Variants in GLYATL1 observed in about 807,000 individuals in gnomAD.
GLYATL1 encodes glycine-N-acyltransferase like 1.
GLYATL1 carries 15 observed loss-of-function variants against 20.0 expected under a neutral mutation model. The observed-to-expected ratio is 0.75, with a 90% confidence interval of 0.50 to 1.15. The LOEUF (loss-of-function observed/expected upper bound fraction) is 1.15, where lower values mean the gene tolerates loss of function less well. Ranked by LOEUF, GLYATL1 falls within the 50% of genes most tolerant of loss-of-function variation. The probability of loss-of-function intolerance (pLI) is 0.00; values close to 1 mark genes in which losing one functional copy is unlikely to be tolerated. For synonymous variants in GLYATL1, 151 were observed against 131.5 expected (o/e 1.15, Z -1.01); for missense variants, 380 against 368.5 (o/e 1.03, Z -0.26).
upstream of GLYATL1, among the ~76,000 whole-genome samples, chr11:58,938,323 G>A (rs1461018947): frequency 6.6e-6 from 1 of 152,170 alleles, no homozygotes; most frequent in Non-Finnish European, 1.5e-5. Context: ...CTTCCACCAT[G>A]ACCCCATGAT....
At chr11:58,909,756 T>C (rs1379763690), downstream of GLYATL1, among the ~76,000 whole-genome samples, 2 of 152,206 alleles carry the variant, frequency 1.3e-5, no homozygotes, top group East Asian at 1.9e-4. Context: ...CAGAAGGCTT[T>C]CTATCAATAA....
Position 58,956,065 on chromosome 11 carries a change from CTT to C in GLYATL1, c.*39_*40del. On this transcript the variant is annotated 3_prime_UTR_variant, in exon 7 of 7. Transcript: ENST00000532726. ...CTTAGTAATCTCTGCCAAGCCATCT[CTT>C]AATATTAAAGCAGACACCACAGAAT... 1.3e-6 allele frequency: 2 copies of C among 1,557,410 alleles called. No individual in the cohort carries two copies. Among genetic ancestry groups the C allele is most frequent in the South Asian group, 1.2e-5 (1 of 86,842 alleles).
At chr11:58,955,013 A>T (rs370641138) in intron 5 of GLYATL1, 117 bp downstream of exon 5, 2 of 1,299,426 alleles carry the variant, frequency 1.5e-6, no homozygotes, top group Non-Finnish European at 2.1e-6. Context: ...AACTCTGGGG[A>T]CTGGGAGAGG....
intron 4 of GLYATL1, among the ~76,000 whole-genome samples, chr11:58,951,342 A>G (rs1590809121): frequency 6.6e-6 from 1 of 152,252 alleles, no homozygotes; most frequent in Admixed American, 6.5e-5. Flanking sequence ...ATTTTGTCGT[A>G]TAACATGTTA....
At chr11:58,914,229 A>G (rs2135100654) in intron 1 of GLYATL1, among the ~76,000 whole-genome samples, 2 of 152,206 alleles carry the variant, frequency 1.3e-5, no homozygotes, top group Middle Eastern at 3.4e-3. Flanking sequence ...CTCTCATCCA[A>G]TTCCACACCT....
upstream of GLYATL1, among the ~76,000 whole-genome samples, chr11:58,937,069 T>C (rs1855869143): frequency 6.6e-6 from 1 of 152,244 alleles, no homozygotes; most frequent in African/African-American, 2.4e-5. Context: ...AAGTTGGTGC[T>C]GTCAGTCTTT....
chr11:58,942,896 G>C (rs1565128330), intron 1 of GLYATL1, among the ~76,000 whole-genome samples: 1 of 152,154 alleles, frequency 6.6e-6, no homozygotes, highest in Non-Finnish European at 1.5e-5. Flanking sequence ...AAAAACAAGA[G>C]AGTGTGTTGT....
chr11:58,932,221 A>G (rs1440666149), intron 1 of GLYATL1, among the ~76,000 whole-genome samples: 1 of 152,026 alleles, frequency 6.6e-6, no homozygotes, highest in East Asian at 1.9e-4. Flanking sequence ...GAAACCCTCA[A>G]TAAGATGCCC....
Position 58,956,123 on chromosome 11 carries a change from C to T in GLYATL1, c.*96C>T. The T allele has an allele frequency of 9.3e-7, 1 of 1,077,274 alleles. No individual in the cohort carries two copies. The highest frequency in any genetic ancestry group is 1.4e-6 in the Non-Finnish European group (1 of 732,964). The allele number at this position is 1,077,274 out of a possible 1,614,324, so 66.7% of individuals were successfully genotyped here. A position where few individuals can be genotyped will look rare whatever the true frequency, so the allele number is the denominator to read the frequency against. ...TCTTCACTTACAAATGCATATTGGG[C>T]ACTTATAATACAGCAGGAACTCTTC... On this transcript the variant is annotated 3_prime_UTR_variant, in exon 7 of 7. Coordinates refer to ENST00000532726, the MANE Select transcript of GLYATL1 (RefSeq NM_001389712.2).
At chr11:58,925,749 A>G (rs923419432), upstream of GLYATL1, among the ~76,000 whole-genome samples, 25 of 152,188 alleles carry the variant, frequency 1.6e-4, no homozygotes, top group Admixed American at 1.4e-3. Flanking sequence ...GAAATTTGTC[A>G]TCTGAATTTA....
At chr11:58,915,205 C>T (rs1855142795) in intron 1 of GLYATL1, among the ~76,000 whole-genome samples, 1 of 152,172 alleles carries the variant, frequency 6.6e-6, no homozygotes, top group South Asian at 2.1e-4. Context: ...CACACATAAA[C>T]TCTTAGAAGG....
chr11:58,941,557 A>T (rs762016087), intron 1 of GLYATL1, among the ~76,000 whole-genome samples: 1 of 152,154 alleles, frequency 6.6e-6, no homozygotes, highest in Non-Finnish European at 1.5e-5. Context: ...ATTACTGGGT[A>T]TATACCCAAA....
upstream of GLYATL1, chr11:58,935,185 C>T (rs1037004098): frequency 4.6e-5 from 7 of 152,130 alleles, no homozygotes; most frequent in Non-Finnish European, 8.8e-5. Context: ...GAGGATATAC[C>T]CAGAAACCAA....
chr11:58,936,825 C>T (rs1033774193), upstream of GLYATL1, among the ~76,000 whole-genome samples: 24 of 152,180 alleles, frequency 1.6e-4, no homozygotes, highest in African/African-American at 5.3e-4. Flanking sequence ...CTTCTCAGTT[C>T]CCTGATCTAG....
chr11:58,933,994 C>G (rs506360), intron 1 of GLYATL1: 4,896 of 152,460 alleles, frequency 0.032, 240 homozygotes, highest in African/African-American at 0.11. Context: ...AGGTACAGAG[C>G]CTGTTAACAG....
chr11:58,912,156 G>A (rs376257228), downstream of GLYATL1, among the ~76,000 whole-genome samples: 35 of 152,230 alleles, frequency 2.3e-4, 2 homozygotes, highest in South Asian at 6.4e-3. Flanking sequence ...TTTTGCTGGA[G>A]GGCATCTGGG....
intron 5 of GLYATL1, 79 bp downstream of exon 5, chr11:58,954,975 G>A (rs1857281386): frequency 2.1e-6 from 3 of 1,424,036 alleles, no homozygotes; most frequent in African/African-American, 1.4e-5. Flanking sequence ...CATCACCTGA[G>A]GGCTCATTAG....
At chr11:58,948,445 C>A (rs1856742257) in intron 4 of GLYATL1, among the ~76,000 whole-genome samples, 1 of 152,146 alleles carries the variant, frequency 6.6e-6, no homozygotes, top group Non-Finnish European at 1.5e-5. Flanking sequence ...TTGAGACCAG[C>A]CTGTACAACA....
downstream of GLYATL1, among the ~76,000 whole-genome samples, chr11:58,912,570 C>T (rs971015193): frequency 6.6e-6 from 1 of 152,182 alleles, no homozygotes; most frequent in African/African-American, 2.4e-5. Context: ...GACTTAGAGC[C>T]CTCTGAAAAC....
Sources: allele counts gnomAD v4.1 joint callset (sites outside exome capture counted in the v4.1 genomes callset), GRCh38; gene constraint gnomAD v4.1.1; transcripts MANE v1.5; gene names NCBI Gene and HGNC (gene_info 2026-07-23, HGNC 2026-07-21).